Variants in C8orf34 observed in about 807,000 individuals in gnomAD.
C8orf34 encodes the protein chromosome 8 open reading frame 34.
Under a neutral mutation model 68.3 loss-of-function variants are expected in C8orf34, and 65 were observed. The ratio of observed to expected loss-of-function variants is 0.95; its 90% CI spans 0.78 to 1.17. The LOEUF (loss-of-function observed/expected upper bound fraction) is 1.17. Ranked by LOEUF, C8orf34 falls within the 50% of genes most tolerant of loss-of-function variation. The pLI is 0.00. For synonymous variants in C8orf34, 244 were observed against 241.2 expected (o/e 1.01, Z -0.11); for missense variants, 664 against 655.4 (o/e 1.01, Z -0.14).
At chr8:68,748,962 C>G (rs893247891) in intron 10 of C8orf34, among the ~76,000 whole-genome samples, 6 of 151,926 alleles carry the variant, frequency 3.9e-5, no homozygotes, top group Non-Finnish European at 7.4e-5. Flanking sequence ...GCATTATTCA[C>G]AATAGCAAAG....
chr8:68,548,403 A>C (rs989523517), intron 7 of C8orf34, among the ~76,000 whole-genome samples: 7 of 151,806 alleles, frequency 4.6e-5, no homozygotes, highest in African/African-American at 1.7e-4. Context: ...AAAAGAGATA[A>C]ACAAATGGGA....
chr8:68,423,863 T>G (rs1200952360), intron 1 of C8orf34, among the ~76,000 whole-genome samples: 1 of 152,124 alleles, frequency 6.6e-6, no homozygotes, highest in Non-Finnish European at 1.5e-5. Flanking sequence ...GGAAACAGAA[T>G]GAGTGGAAAC....
intron 7 of C8orf34, chr8:68,625,630 T>C: frequency 2.8e-6 from 2 of 701,986 alleles, no homozygotes; most frequent in South Asian, 1.5e-5. Context: ...CTGTGGCATG[T>C]GGCTTGCATC....
intron 8 of C8orf34, among the ~76,000 whole-genome samples, chr8:68,676,077 A>G (rs987221223): frequency 1.3e-5 from 2 of 152,152 alleles, no homozygotes; most frequent in African/African-American, 4.8e-5. Flanking sequence ...GAGCATGCAT[A>G]TAATCCCGGA....
In C8orf34 at chr8:68,740,478, C is replaced by T. The variant is rs117857532; in HGVS notation, c.1404+19041C>T. On this transcript the variant is annotated intron_variant, in intron 10 of 13. Coordinates refer to ENST00000518698, the MANE Select transcript of C8orf34 (RefSeq NM_052958.4). ...GACCTACATGCAGCCAATAAGCATA[C>T]GAAAAAAAAGCTCAATATGACTGAT... 1.2e-3 allele frequency among the ~76,000 whole-genome samples: 185 copies of T among 151,696 alleles called. 4 individuals carry two copies. In the East Asian group the frequency reaches 0.03, roughly 25 times the overall value.
chr8:68,774,666 A>G (rs1823454056), intron 10 of C8orf34, among the ~76,000 whole-genome samples: 1 of 151,904 alleles, frequency 6.6e-6, no homozygotes. Flanking sequence ...CCAGCATTCT[A>G]TTTCTAGCTC....
intron 12 of C8orf34, chr8:68,790,839 G>T (rs1223905349): frequency 1.3e-5 from 9 of 701,488 alleles, no homozygotes; most frequent in East Asian, 2.7e-5. Flanking sequence ...AATCTCTGTG[G>T]CTGGGACTCT....
chr8:68,611,739 T>A (rs544993586), intron 7 of C8orf34, among the ~76,000 whole-genome samples: 177 of 152,240 alleles, frequency 1.2e-3, no homozygotes, highest in African/African-American at 3.9e-3. Context: ...GTAACTACTG[T>A]TTATAGAGTT....
chr8:68,548,990 A>C, intron 7 of C8orf34, among the ~76,000 whole-genome samples: 1 of 151,796 alleles, frequency 6.6e-6, no homozygotes, highest in Non-Finnish European at 1.5e-5. Flanking sequence ...AAGGTTAAAT[A>C]AGGTTATAAG....
intron 1 of C8orf34, among the ~76,000 whole-genome samples, chr8:68,422,281 A>G (rs2129623721): frequency 6.6e-6 from 1 of 152,336 alleles, no homozygotes. Context: ...CTGGAAAATC[A>G]AAAGCAAGTT....
intron 5 of C8orf34, among the ~76,000 whole-genome samples, chr8:68,497,845 G>A (rs1488283149): frequency 6.6e-6 from 1 of 151,916 alleles, no homozygotes; most frequent in Non-Finnish European, 1.5e-5. Flanking sequence ...GGGAGATGGG[G>A]GGAATGGAGT....
chr8:68,655,176 T>G (rs1426118248), intron 8 of C8orf34, among the ~76,000 whole-genome samples: 3 of 152,164 alleles, frequency 2.0e-5, no homozygotes, highest in African/African-American at 7.2e-5. Context: ...TATTTACATA[T>G]TCTATAAATT....
intron 3 of C8orf34, among the ~76,000 whole-genome samples, chr8:68,466,513 GAAATAAAAATAA>G (rs71554627): frequency 5.3e-5 from 8 of 150,408 alleles, no homozygotes; most frequent in Non-Finnish European, 1.2e-4. Flanking sequence ...TATATTTGTA[GAAATAAAAATAA>G]AAATAAAATG....
intron 7 of C8orf34, among the ~76,000 whole-genome samples, chr8:68,629,305 A>T (rs954623615): frequency 6.6e-6 from 1 of 152,156 alleles, no homozygotes. Flanking sequence ...GAAACCAAAA[A>T]CACCATCTCT....
intron 7 of C8orf34, among the ~76,000 whole-genome samples, chr8:68,574,563 G>GATTATATAGAATTAGTTAAGC (rs1816848678): frequency 6.6e-6 from 1 of 151,990 alleles, no homozygotes; most frequent in Non-Finnish European, 1.5e-5. Context: ...ACTTCTTATA[G>GATTATATAGAATTAGTTAAGC]ATTATATAGA....
chr8:68,388,149 C>G (rs1421316241), intron 1 of C8orf34, among the ~76,000 whole-genome samples: 1 of 152,160 alleles, frequency 6.6e-6, no homozygotes, highest in Non-Finnish European at 1.5e-5. Flanking sequence ...CCAGATAAAA[C>G]AGACATTCAA....
chr8:68,487,954 TGTTTTGAACATTAG>T (rs1253293802), intron 4 of C8orf34, 55 bp from the exon 5 acceptor site: 1 of 1,020,554 alleles, frequency 9.8e-7, no homozygotes, highest in Non-Finnish European at 1.5e-6. Context: ...ATAGAAAGTT[TGTTTTGAACATTAG>T]GTTACTAAAG....
At chr8:68,574,578 G>A (rs1296240854) in intron 7 of C8orf34, among the ~76,000 whole-genome samples, 1 of 151,990 alleles carries the variant, frequency 6.6e-6, no homozygotes, top group Non-Finnish European at 1.5e-5. Flanking sequence ...TATAGAATTA[G>A]TTAAGCATTA....
Position 68,815,914 on chromosome 8 carries a change from A to G in C8orf34, c.1578A>G (p.Pro526=), listed in dbSNP as rs1824798768. The G allele has an allele frequency of 1.9e-6, 3 of 1,613,716 alleles. No individual in the cohort carries two copies. Among genetic ancestry groups the G allele is most frequent in the East Asian group, 2.2e-5 (1 of 44,850 alleles). Residue 526 remains proline, a synonymous_variant, in exon 13 of 14, where the codon CCA becomes CCG. Transcript: ENST00000518698. ...CCGCTGATCTTCTTCTTTGCGTTCC[A>G]TGCTCTTCTTGTCCTACGCTGGTCT... The part of the protein sequence containing the change: ...KRSADLLLCV[P]CSSCPTLVYS...
Sources: gnomAD v4.1 joint callset for allele counts (sites outside exome capture counted in the v4.1 genomes callset) on GRCh38, gnomAD v4.1.1 for gene constraint, MANE v1.5 for transcripts, NCBI Gene and HGNC (gene_info 2026-07-23, HGNC 2026-07-21) for gene names.